SEH1L: variants seen among roughly 807,000 people sequenced by gnomAD.
The protein encoded by SEH1L is SEH1 like nucleoporin, also known as nucleoporin SEH1.
Under a neutral mutation model 49.5 loss-of-function variants are expected in SEH1L, and 18 were observed. The ratio of observed to expected loss-of-function variants is 0.36; its 90% CI spans 0.25 to 0.54. SEH1L has a LOEUF of 0.54. Among genes scored for constraint, SEH1L ranks in the 20% least tolerant of loss-of-function variants. The pLI is 0.87. For synonymous variants in SEH1L, 169 were observed against 178.1 expected (o/e 0.95, Z 0.41); for missense variants, 404 against 528.8 (o/e 0.76, Z 2.31).
intron 6 of SEH1L, among the ~76,000 whole-genome samples, chr18:12,979,117 G>C (rs1228376728): frequency 6.7e-6 from 1 of 150,186 alleles, no homozygotes; most frequent in African/African-American, 2.5e-5. Flanking sequence ...TTCTCCCAGA[G>C]GGGGATTTGG....
intron 5 of SEH1L, chr18:12,974,034 C>CAGCA (rs1028002804): frequency 6.6e-6 from 1 of 152,200 alleles, no homozygotes; most frequent in African/African-American, 2.4e-5. Context: ...GAGAGTGAGA[C>CAGCA]AGCAAGTGTC....
At chr18:12,971,484 AT>A in intron 5 of SEH1L, 1 of 264,842 alleles carries the variant, frequency 3.8e-6, no homozygotes, top group Non-Finnish European at 7.4e-6. Flanking sequence ...AGTACAAAAA[AT>A]TAGCTGGGTG....
intron 8 of SEH1L, chr18:12,985,679 T>A (rs1470631601): frequency 2.1e-6 from 2 of 955,858 alleles, no homozygotes; most frequent in African/African-American, 3.5e-5. Context: ...TGAACTTTTA[T>A]AATTTTAATT....
chr18:12,980,699 ACCC>A (rs2032192107), intron 6 of SEH1L, among the ~76,000 whole-genome samples: 1 of 28,164 alleles, frequency 3.6e-5, no homozygotes, highest in African/African-American at 1.7e-4. Context: ...GGGGGCTGAC[ACCC>A]CCCACTTCCC....
intron 4 of SEH1L, among the ~76,000 whole-genome samples, chr18:12,970,826 GA>G (rs1180898252): frequency 6.6e-6 from 1 of 152,156 alleles, no homozygotes. Flanking sequence ...ATTTCAGGAG[GA>G]AAAATTACTA....
At chr18:12,968,636 T>C (rs1425373167) in intron 4 of SEH1L, among the ~76,000 whole-genome samples, 1 of 152,204 alleles carries the variant, frequency 6.6e-6, no homozygotes, top group East Asian at 1.9e-4. Flanking sequence ...GCTTCCTGAC[T>C]TCCTGGAAAC....
chr18:12,982,880 C>T (rs2032326974), intron 7 of SEH1L: 2 of 435,264 alleles, frequency 4.6e-6, no homozygotes, highest in African/African-American at 4.0e-5. Context: ...TGGAACAGAG[C>T]AGTTTTCAAA....
intron 3 of SEH1L, 136 bp downstream of exon 3, chr18:12,955,745 C>T: frequency 1.1e-6 from 1 of 877,114 alleles, no homozygotes; most frequent in Non-Finnish European, 1.7e-6. Context: ...TTCTTTCTTC[C>T]ATGTTTTTTT....
intron 5 of SEH1L, chr18:12,976,426 G>A (rs777430821): frequency 6.6e-6 from 1 of 152,346 alleles, no homozygotes; most frequent in Non-Finnish European, 1.5e-5. Flanking sequence ...CCACCAGGAG[G>A]TGCGGGTCAT....
chr18:12,950,780 C>T (rs1048933108), intron 1 of SEH1L, among the ~76,000 whole-genome samples: 1 of 152,106 alleles, frequency 6.6e-6, no homozygotes, highest in African/African-American at 2.4e-5. Flanking sequence ...GTGAAATTGG[C>T]ACCTTCTTAT....
In SEH1L at chr18:12,982,346, A is replaced by G. The variant is rs540751016; in HGVS notation, c.762-172A>G. Among the ~76,000 whole-genome samples the G allele has an allele frequency of 2.6e-5, 4 of 152,264 alleles. No homozygotes were observed. In the Middle Eastern group the frequency reaches 0.014, roughly 518 times the overall value. On this transcript the variant is annotated intron_variant, in intron 6 of 8. Transcript: ENST00000399892. Reference sequence around the variant, plus strand: ...AATGAAAATGACATTGGCCCAGCTCAAGGGCCAAGGTGTGGGGTTTGGGCA... The same window carrying G: ...AATGAAAATGACATTGGCCCAGCTCGAGGGCCAAGGTGTGGGGTTTGGGCA...
Position 12,958,064 on chromosome 18 carries a change from C to CTT in SEH1L, c.309+2491_309+2492dup, listed in dbSNP as rs57733399. ...TATAACATAATATTCCTCATTTTAA[C>CTT]TTTTTTTTTTTTTTTTTTTTTTTTT... On this transcript the variant is annotated intron_variant, in intron 3 of 8. Transcript: ENST00000399892. Among the ~76,000 whole-genome samples the CTT allele has an allele frequency of 7.8e-3, 482 of 62,032 alleles. 99 individuals carry two copies. The highest frequency in any genetic ancestry group is 8.9e-3 in the Non-Finnish European group (316 of 35,684). The allele number at this position is 62,032 out of a possible 152,430, so 40.7% of individuals were successfully genotyped here.
intron 8 of SEH1L, chr18:12,985,591 G>C: frequency 1.9e-6 from 2 of 1,062,822 alleles, no homozygotes; most frequent in Non-Finnish European, 2.3e-6. Flanking sequence ...GAGTAGTTGG[G>C]AGGAGGGGAA....
At chr18:12,980,270 G>A (rs865982292) in intron 6 of SEH1L, among the ~76,000 whole-genome samples, 3,789 of 61,614 alleles carry the variant, frequency 0.061, no homozygotes, top group Middle Eastern at 0.075. Context: ...CCTCCCGGTC[G>A]GGGCGGCTGG....
chr18:12,975,796 C>G (rs972701923), intron 5 of SEH1L: 2 of 986,274 alleles, frequency 2.0e-6, no homozygotes, highest in African/African-American at 3.5e-5. Context: ...CAGTAGCCCA[C>G]TATGATGTGG....
chr18:12,986,404 A>G, intron 8 of SEH1L: 1 of 985,588 alleles, frequency 1.0e-6, no homozygotes, highest in Non-Finnish European at 1.2e-6. Flanking sequence ...CAGCCATACT[A>G]TGTGTATTCC....
intron 4 of SEH1L, among the ~76,000 whole-genome samples, chr18:12,969,811 G>C (rs142860858): frequency 0.055 from 8,298 of 151,826 alleles, 281 homozygotes; most frequent in African/African-American, 0.096. Flanking sequence ...AGAATCACTT[G>C]AACCCAGGAG....
chr18:12,985,249 C>T, intron 8 of SEH1L: 1 of 1,609,620 alleles, frequency 6.2e-7, no homozygotes, highest in South Asian at 1.1e-5. Context: ...GAAAGCACAG[C>T]TGAGTACAAG....
chr18:12,953,251 TTGTC>T (rs1383402049), intron 2 of SEH1L, among the ~76,000 whole-genome samples: 1 of 152,218 alleles, frequency 6.6e-6, no homozygotes, highest in Non-Finnish European at 1.5e-5. Flanking sequence ...CACGTTTTGT[TTGTC>T]TGTTCACCAG....
Sources: gnomAD v4.1 joint callset for allele counts (sites outside exome capture counted in the v4.1 genomes callset) on GRCh38, gnomAD v4.1.1 for gene constraint, MANE v1.5 for transcripts, NCBI Gene and HGNC (gene_info 2026-07-23, HGNC 2026-07-21) for gene names.